The following ACOT12 variants were observed in gnomAD, a reference collection of about 807,000 sequenced individuals.
ACOT12 encodes the protein acyl-CoA thioesterase 12, also known as acetyl-coenzyme A thioesterase.
A neutral mutation model predicts 67.7 loss-of-function variants in ACOT12; 51 were observed. The observed-to-expected ratio is 0.75, with a 90% CI of 0.60 to 0.95. The LOEUF (loss-of-function observed/expected upper bound fraction) is 0.95, where lower values mean the gene tolerates loss of function less well. ACOT12 is among the 40% of genes least tolerant of loss of function. The pLI is 0.00. For synonymous variants in ACOT12, 251 were observed against 244.6 expected (o/e 1.03, Z -0.24); for missense variants, 734 against 708.1 (o/e 1.04, Z -0.41).
downstream of ACOT12, among the ~76,000 whole-genome samples, chr5:81,329,062 T>C (rs1758741466): frequency 6.6e-6 from 1 of 152,172 alleles, no homozygotes; most frequent in South Asian, 2.1e-4. Context: ...TGTTGTCAAT[T>C]AGAGTGGGCA....
chr5:81,315,064 A>G, the ACOT12 span, among the ~76,000 whole-genome samples: 46 of 152,270 alleles, frequency 3.0e-4, no homozygotes, highest in African/African-American at 1.1e-3. Context: ...TCACTTTTCC[A>G]TAAATGATTC....
intron 1 of ACOT12, among the ~76,000 whole-genome samples, chr5:81,392,017 A>T (rs1760877757): frequency 6.6e-6 from 1 of 152,224 alleles, no homozygotes; most frequent in South Asian, 2.1e-4. Context: ...TGTGAGATAG[A>T]GGATTACTCA....
chr5:81,356,112 T>G (rs913540137), intron 5 of ACOT12, among the ~76,000 whole-genome samples: 1 of 152,176 alleles, frequency 6.6e-6, no homozygotes, highest in Non-Finnish European at 1.5e-5. Context: ...GTGTTTACTT[T>G]GGCCTGTGTA....
At chr5:81,332,854 AG>A (rs1312693165) in intron 12 of ACOT12, among the ~76,000 whole-genome samples, 4 of 152,134 alleles carry the variant, frequency 2.6e-5, no homozygotes, top group African/African-American at 7.2e-5. Context: ...ACTTGAGGCC[AG>A]GAGTTCAGGA....
chr5:81,310,907 G>C, the ACOT12 span, among the ~76,000 whole-genome samples: 1 of 152,160 alleles, frequency 6.6e-6, no homozygotes, highest in Non-Finnish European at 1.5e-5. Context: ...TCTAAGCATT[G>C]TTAAGATCCA....
the ACOT12 span, among the ~76,000 whole-genome samples, chr5:81,320,247 G>A: frequency 1.3e-5 from 2 of 152,192 alleles, no homozygotes; most frequent in African/African-American, 4.8e-5. Flanking sequence ...TGAAGCTGAG[G>A]GTATCTGCTG....
At chr5:81,385,477 A>G (rs1760701550) in intron 2 of ACOT12, among the ~76,000 whole-genome samples, 1 of 152,112 alleles carries the variant, frequency 6.6e-6, no homozygotes, top group African/African-American at 2.4e-5. Context: ...AAAGGAGCTT[A>G]TAGAAAGTCT....
At chr5:81,344,727 CG>C (rs1485225815) in intron 8 of ACOT12, among the ~76,000 whole-genome samples, 163 bp downstream of exon 8, 1 of 151,418 alleles carries the variant, frequency 6.6e-6, no homozygotes, top group African/African-American at 2.4e-5. Context: ...TCAGAGTGAT[CG>C]GGGGGAAAAG....
chr5:81,339,300 C>G (rs116461953), intron 11 of ACOT12, among the ~76,000 whole-genome samples: 2 of 152,330 alleles, frequency 1.3e-5, no homozygotes, highest in Non-Finnish European at 2.9e-5. Flanking sequence ...GCCCCTCCCC[C>G]GGCTCCATGA....
At chr5:81,312,089 G>T in the ACOT12 span, among the ~76,000 whole-genome samples, 3 of 152,324 alleles carry the variant, frequency 2.0e-5, no homozygotes, top group Non-Finnish European at 4.4e-5. Flanking sequence ...TAGGCAGTGA[G>T]ATTGAAATGA....
chr5:81,357,642 G>A (rs1028467919), intron 5 of ACOT12, among the ~76,000 whole-genome samples: 4 of 152,126 alleles, frequency 2.6e-5, no homozygotes, highest in South Asian at 2.1e-4. Context: ...TGATTCAGAC[G>A]AGGGATGACT....
chr5:81,386,994 C>CTTTTGTTTTT (rs1052387807), intron 1 of ACOT12, among the ~76,000 whole-genome samples: 1 of 128,480 alleles, frequency 7.8e-6, no homozygotes, highest in Admixed American at 7.9e-5. Flanking sequence ...GGATGAGTTC[C>CTTTTGTTTTT]ATTTTTTTTT....
intron 2 of ACOT12, among the ~76,000 whole-genome samples, chr5:81,379,906 T>C (rs1232867150): frequency 6.6e-6 from 1 of 152,078 alleles, no homozygotes; most frequent in Non-Finnish European, 1.5e-5. Context: ...CCCAGATATA[T>C]TAAAGACAGT....
intron 3 of ACOT12, 146 bp downstream of exon 3, chr5:81,371,604 C>T (rs938304294): frequency 2.7e-6 from 2 of 753,474 alleles, no homozygotes; most frequent in Non-Finnish European, 4.4e-6. Context: ...TTATTATTTA[C>T]CTGTGACCTG....
At chr5:81,322,003 C>CA in the ACOT12 span, among the ~76,000 whole-genome samples, 30 of 150,938 alleles carry the variant, frequency 2.0e-4, no homozygotes, top group African/African-American at 7.4e-4. Flanking sequence ...TAAAGAAATT[C>CA]AAATTCACAG....
intron 4 of ACOT12, among the ~76,000 whole-genome samples, chr5:81,361,077 C>CAAAAAAAAAAAAAAAAAAAAA (rs71000820): frequency 1.9e-5 from 1 of 52,634 alleles, no homozygotes; most frequent in Non-Finnish European, 3.4e-5. Context: ...GACTCCATCT[C>CAAAAAAAAAAAAAAAAAAAAA]AAAAAAAAAA....
At chr5:81,372,677 C>T (rs911456009) in intron 2 of ACOT12, among the ~76,000 whole-genome samples, 1 of 152,200 alleles carries the variant, frequency 6.6e-6, no homozygotes, top group East Asian at 1.9e-4. Context: ...TAAAATTTTT[C>T]TCTCAAACCT....
chr5:81,370,189 A>C (rs1235720627), intron 3 of ACOT12, among the ~76,000 whole-genome samples: 3 of 152,026 alleles, frequency 2.0e-5, no homozygotes, highest in African/African-American at 7.2e-5. Context: ...CAGGAGAATC[A>C]CTTGAACCCA....
chr5:81,323,855 TATATGC>T, the ACOT12 span, among the ~76,000 whole-genome samples: 25,227 of 148,434 alleles, frequency 0.17, 2,421 homozygotes, highest in Admixed American at 0.26. Context: ...TATGTACATG[TATATGC>T]ATATGTATAT....
Sources: allele counts gnomAD v4.1 joint callset (sites outside exome capture counted in the v4.1 genomes callset), GRCh38; gene constraint gnomAD v4.1.1; transcripts MANE v1.5; gene names NCBI Gene and HGNC (gene_info 2026-07-23, HGNC 2026-07-21).